ZFP14: variants seen among roughly 807,000 people sequenced by gnomAD.
ZFP14 encodes the protein zinc finger protein 14 homolog.
ZFP14 carries 22 observed loss-of-function variants against 54.5 expected under a neutral mutation model. The ratio of observed to expected loss-of-function variants is 0.40; its 90% confidence interval spans 0.29 to 0.58. The LOEUF is 0.58. Among genes scored for constraint, ZFP14 ranks in the 20% least tolerant of loss-of-function variants. The pLI, the probability that ZFP14 is intolerant of heterozygous loss-of-function variation, is 0.39. For synonymous variants in ZFP14, 159 were observed against 204.0 expected (o/e 0.78, Z 1.88); for missense variants, 470 against 637.8 (o/e 0.74, Z 2.83).
chr19:36,347,279 C>T (rs1472802317), intron 4 of ZFP14, among the ~76,000 whole-genome samples: 1 of 152,164 alleles, frequency 6.6e-6, no homozygotes, highest in Admixed American at 6.5e-5. Flanking sequence ...TAAGGGACTA[C>T]TATGACAACC....
chr19:36,346,888 T>C (rs1002207336), intron 4 of ZFP14, among the ~76,000 whole-genome samples: 3 of 152,234 alleles, frequency 2.0e-5, no homozygotes, highest in East Asian at 1.9e-4. Flanking sequence ...TCTGGATCAA[T>C]AGGCAGGTTC....
intron 2 of ZFP14, 55 bp from the exon 3 acceptor site, chr19:36,362,293 T>C (rs1360220495): frequency 1.6e-5 from 25 of 1,545,370 alleles, no homozygotes; most frequent in Non-Finnish European, 2.0e-5. Flanking sequence ...ACTTTTAAAA[T>C]GGAAAGAGGG....
Position 36,334,763 on chromosome 19 carries a change from T to A in ZFP14, c.*5461A>T, listed in dbSNP as rs1600059502. On this transcript the variant is annotated 3_prime_UTR_variant, in exon 5 of 5. Transcript: ENST00000270001. The stretch of plus-strand genomic sequence containing the variant: ...ACAAAGCTGTTCCTATTCCAGATAT[T>A]CGGACTGAGAATTCCACAATAAATT... The A allele has an allele frequency of 6.6e-6, 1 of 152,352 alleles. No individual in the cohort carries two copies. The highest frequency in any genetic ancestry group is 1.9e-4 in the East Asian group (1 of 5,190). The allele number at this position is 152,352 out of a possible 1,614,324, so 9.4% of individuals were successfully genotyped here.
intron 4 of ZFP14, among the ~76,000 whole-genome samples, chr19:36,343,958 T>G (rs1376399162): frequency 2.0e-5 from 3 of 152,198 alleles, no homozygotes; most frequent in Non-Finnish European, 1.5e-5. Flanking sequence ...CAACATGAGT[T>G]TTGGAGGAGA....
chr19:36,366,817 T>C (rs1386941134), intron 2 of ZFP14, among the ~76,000 whole-genome samples: 3 of 152,282 alleles, frequency 2.0e-5, no homozygotes, highest in African/African-American at 7.2e-5. Context: ...TTTTTTTGTA[T>C]ATATGTCATT....
Position 36,340,099 on chromosome 19 carries a change from A to T in ZFP14, c.*125T>A. 2 of 1,075,510 alleles carry T rather than the reference A, an allele frequency of 1.9e-6. No homozygotes were observed. Among genetic ancestry groups the T allele is most frequent in the Non-Finnish European group, 2.5e-6 (2 of 792,752 alleles). The allele number at this position is 1,075,510 out of a possible 1,614,324, so 66.6% of individuals were successfully genotyped here. On this transcript the variant is annotated 3_prime_UTR_variant, in exon 5 of 5. Transcript: ENST00000270001. This position sits in a 1 kb window ranked among gnomAD's most constrained non-coding sequence, Gnocchi z 5.4. ...GTTTAAATGGTGTTGGAAGGCTTTT[A>T]AATCAACATATTCTTTCTCTAATAT...
At chr19:36,371,194 C>A (rs974798527) in intron 1 of ZFP14, among the ~76,000 whole-genome samples, 1 of 151,982 alleles carries the variant, frequency 6.6e-6, no homozygotes, top group Non-Finnish European at 1.5e-5. Flanking sequence ...ACCCAGGAGG[C>A]GGAGCTTGAA....
rs774798809 is a variant in ZFP14, at chr19:36,341,074, G to T, written c.752C>A (p.Thr251Lys). The T allele has an allele frequency of 1.2e-6, 2 of 1,613,708 alleles. No individual in the cohort carries two copies. Among genetic ancestry groups the T allele is most frequent in the Non-Finnish European group, 1.7e-6 (2 of 1,179,956 alleles). Residue 251 changes from threonine (T) to lysine (K), a missense_variant, in exon 5 of 5, where the codon ACG (threonine) becomes AAG (lysine). Physicochemically the swap from Thr to Lys is moderately conservative, Grantham distance 78. Coordinates refer to ENST00000270001, the MANE Select transcript of ZFP14 (RefSeq NM_020917.3). This position sits in a 1 kb window ranked among gnomAD's most constrained non-coding sequence, Gnocchi z 4.2. ...CTTACATTCATAGGGTTTTTCACCC[G>T]TATGAAGTCTCTGATGTTGAGTAAG... ...QELTQHQRLHTGEKPYECKEC... is the reference protein window; with the variant it reads ...QELTQHQRLHKGEKPYECKEC...
At chr19:36,365,395 G>C (rs1383905951) in intron 2 of ZFP14, among the ~76,000 whole-genome samples, 1 of 151,588 alleles carries the variant, frequency 6.6e-6, no homozygotes, top group Non-Finnish European at 1.5e-5. Context: ...AATCTTTTAG[G>C]AACTCATTTT....
intron 1 of ZFP14, among the ~76,000 whole-genome samples, chr19:36,376,241 C>T (rs1283013793): frequency 6.6e-6 from 1 of 152,048 alleles, no homozygotes; most frequent in Non-Finnish European, 1.5e-5. Flanking sequence ...ATGAAGAATA[C>T]TACATATGCT....
intron 4 of ZFP14, among the ~76,000 whole-genome samples, chr19:36,356,525 C>T (rs903635286): frequency 1.1e-4 from 17 of 151,942 alleles, no homozygotes; most frequent in Non-Finnish European, 2.2e-4. Context: ...ATTTGCATAG[C>T]TCTATGCAAT....
rs1555755935 is a variant in ZFP14 at position 36,363,189 on chromosome 19, C to CTTTTCTTT, written c.10-952_10-951insAAAGAAAA. On this transcript the variant is annotated intron_variant, in intron 2 of 4. Transcript: ENST00000270001. The stretch of plus-strand genomic sequence containing the variant: ...ATTATCAATCATATTCTTTTCTTTT[C>CTTTTCTTT]TTTTTTTTTTTTTTTTTTTTTTGAG... Among the ~76,000 whole-genome samples the CTTTTCTTT allele has an allele frequency of 9.1e-3, 892 of 97,822 alleles. 30 individuals carry two copies. The highest frequency in any genetic ancestry group is 0.015 in the Non-Finnish European group (719 of 49,520). The allele number at this position is 97,822 out of a possible 152,430, so 64.2% of individuals were successfully genotyped here.
At chr19:36,361,980 G>A (rs1412018094) in intron 3 of ZFP14, 132 bp downstream of exon 3, 3 of 1,029,058 alleles carry the variant, frequency 2.9e-6, no homozygotes, top group Middle Eastern at 2.1e-4. Context: ...GAAATGGAGA[G>A]GCCTAGTTCC....
chr19:36,366,183 G>A (rs371575915), intron 2 of ZFP14, among the ~76,000 whole-genome samples: 15 of 151,928 alleles, frequency 9.9e-5, no homozygotes, highest in African/African-American at 3.6e-4. Context: ...CAGGAGAATC[G>A]CTTGAACCCA....
chr19:36,369,925 C>T (rs1050862051), intron 1 of ZFP14, among the ~76,000 whole-genome samples: 1 of 152,142 alleles, frequency 6.6e-6, no homozygotes, highest in African/African-American at 2.4e-5. Flanking sequence ...GCCTCGACCT[C>T]CCGGGCTCAA....
chr19:36,354,370 C>CAAAA (rs58651628), intron 4 of ZFP14, among the ~76,000 whole-genome samples: 1 of 99,014 alleles, frequency 1.0e-5, no homozygotes, highest in Non-Finnish European at 2.2e-5. Flanking sequence ...GATTCCATCT[C>CAAAA]AAAAAAAAAA....
At chr19:36,361,080 G>A in intron 3 of ZFP14, among the ~76,000 whole-genome samples, 1 of 152,122 alleles carries the variant, frequency 6.6e-6, no homozygotes, top group Non-Finnish European at 1.5e-5. Context: ...GCTATTTACT[G>A]TTATCATTTT....
At position 36,340,664 on chromosome 19, in the gene ZFP14, T is replaced by TAA. The variant is rs1398963475; in HGVS notation, c.1161_1162insTT (p.Arg388LeufsTer167). ...TAGGGTTTCTCACGAGTATGTATTCTCTGATGGCGAACTAGTTGTTGTCTT... is the reference window on the plus strand; with the variant it reads ...TAGGGTTTCTCACGAGTATGTATTCTAACTGATGGCGAACTAGTTGTTGTCTT... On this transcript the variant is annotated frameshift_variant, in exon 5 of 5. Transcript: ENST00000270001. LOFTEE classifies it high-confidence loss of function. This position sits in a 1 kb window ranked among gnomAD's most constrained non-coding sequence, Gnocchi z 5.4. The TAA allele has an allele frequency of 6.2e-7, 1 of 1,614,034 alleles. No homozygotes were observed. The highest frequency in any genetic ancestry group is 1.3e-5 in the African/African-American group (1 of 74,924).
At chr19:36,356,931 GAT>G (rs1309304281) in intron 4 of ZFP14, among the ~76,000 whole-genome samples, 1 of 151,868 alleles carries the variant, frequency 6.6e-6, no homozygotes, top group Admixed American at 6.6e-5. Flanking sequence ...TCCCTTGTCA[GAT>G]ATGTTTTACC....
Sources: allele counts gnomAD v4.1 joint callset (sites outside exome capture counted in the v4.1 genomes callset), GRCh38; gene constraint gnomAD v4.1.1; non-coding constraint Gnocchi (gnomAD v3.1); transcripts MANE v1.5; gene names NCBI Gene and HGNC (gene_info 2026-07-23, HGNC 2026-07-21).